FAM193B: variants seen among roughly 807,000 people sequenced by gnomAD.
FAM193B encodes the protein family with sequence similarity 193 member B, also known as protein FAM193B.
Under a neutral mutation model 70.7 loss-of-function variants are expected in FAM193B, and 27 were observed. The observed-to-expected ratio is 0.38, with a 90% confidence interval of 0.28 to 0.53. The LOEUF is 0.53. Ranked by LOEUF, FAM193B falls within the 20% of genes least tolerant of loss-of-function variation. FAM193B has a pLI of 0.81. For synonymous variants in FAM193B, 448 were observed against 436.0 expected (o/e 1.03, Z -0.34); for missense variants, 1,022 against 1,072.5 (o/e 0.95, Z 0.66).
rs757937496 is a variant in FAM193B at position 177,524,232 on chromosome 5, C to T, written c.2249G>A (p.Arg750His). ...CTGCTTGTTGCGGCTCCGGCGGCTG[C>T]GGCCCTTGCCCTGGGGCAAGCTCTG... ...RPQSLPQGKG[R>H]SRRSRNKQEK... Residue 750 changes from arginine to histidine, a missense_variant, in exon 6 of 9, where the codon CGC becomes CAC. Transcript: ENST00000514747. 7.8e-6 allele frequency: 12 copies of T among 1,546,894 alleles called. No homozygotes were observed. The highest frequency in any genetic ancestry group is 3.9e-5 in the Admixed American group (2 of 51,248).
intron 1 of FAM193B, chr5:177,547,282 A>ATTT (rs142591142): frequency 1.2e-4 from 3 of 24,674 alleles, no homozygotes; most frequent in Middle Eastern, 0.031. Context: ...AACCAAATTT[A>ATTT]TTTCTTTTTT....
In FAM193B at chr5:177,523,865, G is replaced by A. The variant is rs1307416671; in HGVS notation, c.2372+92C>T. The stretch of plus-strand genomic sequence containing the variant: ...CAAGGGGTCAGGGCCAAGGGAGCAG[G>A]CCTTTCTGAGGCTTGAGGCACAACA... On this transcript the variant is annotated intron_variant, in intron 7 of 8. Coordinates refer to ENST00000514747, the MANE Select transcript of FAM193B (RefSeq NM_001190946.3). 3.5e-6 allele frequency: 5 copies of A among 1,421,628 alleles called. No individual in the cohort carries two copies. The Admixed American group carries it at 5.2e-5, about 15-fold the overall frequency. 88.1% of individuals were successfully genotyped at this position (1,421,628 alleles called of 1,614,324 possible). A position where few individuals can be genotyped will look rare whatever the true frequency, so the allele number is the denominator to read the frequency against.
intron 1 of FAM193B, among the ~76,000 whole-genome samples, chr5:177,550,143 T>C (rs1371095747): frequency 6.6e-6 from 1 of 151,748 alleles, no homozygotes; most frequent in Admixed American, 6.6e-5. Flanking sequence ...AGCAAGATCC[T>C]ATCTCTAAAT....
At chr5:177,525,559 C>T (rs761191630) in intron 5 of FAM193B, 23 of 197,338 alleles carry the variant, frequency 1.2e-4, no homozygotes, top group African/African-American at 4.4e-4. Context: ...TCCACCCCTA[C>T]GGGTGGTGGG....
chr5:177,553,207 G>A (rs774772891), intron 1 of FAM193B: 594 of 985,796 alleles, frequency 6.0e-4, no homozygotes, highest in Non-Finnish European at 7.1e-4. Flanking sequence ...GCTGTCAAGA[G>A]CCATGCCTTC....
chr5:177,544,435 A>G (rs1765184885), intron 1 of FAM193B, among the ~76,000 whole-genome samples: 1 of 152,250 alleles, frequency 6.6e-6, no homozygotes, highest in South Asian at 2.1e-4. Context: ...TTTAACTGAA[A>G]GAATGACTTA....
chr5:177,523,042 C>CG (rs1762011009), intron 7 of FAM193B: 1 of 169,260 alleles, frequency 5.9e-6, no homozygotes, highest in African/African-American at 2.4e-5. Context: ...TTTTTTGAGA[C>CG]GGAGTCTCGT....
rs185699567 is a variant in FAM193B, at chr5:177,534,246, T to C, written c.1077-1605A>G. Among the ~76,000 whole-genome samples, 32 of 152,346 alleles carry C rather than the reference T, an allele frequency of 2.1e-4. 1 individual carries two copies. Among genetic ancestry groups the C allele is most frequent in the Admixed American group, 2.0e-3 (31 of 15,302 alleles). On this transcript the variant is annotated intron_variant, in intron 4 of 8. Transcript: ENST00000514747. ...CATTATCAGTGGTGCTTACAGAAGT[T>C]TGTTCTAAACCAACCATTCATTATC...
intron 1 of FAM193B, 49 bp downstream of exon 1, chr5:177,554,200 G>A: frequency 6.7e-7 from 1 of 1,484,470 alleles, no homozygotes; most frequent in Non-Finnish European, 8.9e-7. Flanking sequence ...CTCCCGCTCG[G>A]GGAAGGTGAA....
At position 177,532,379 on chromosome 5, in the gene FAM193B, G is replaced by A; in HGVS notation, c.1275+64C>T. On this transcript the variant is annotated intron_variant, in intron 5 of 8. Transcript: ENST00000514747. This position sits in a 1 kb window ranked among gnomAD's most constrained non-coding sequence, Gnocchi z 4.9. ...AGCAACGGGGTCTCTGGGGAGAGCA[G>A]GGTGCTCCTTTTGCTCACCTTGGCT... 6.5e-7 allele frequency: 1 copy of A among 1,548,738 alleles called. No homozygotes were observed. The highest frequency in any genetic ancestry group is 8.7e-7 in the Non-Finnish European group (1 of 1,149,668).
rs370501737 is a variant in FAM193B, at chr5:177,522,012, A to G, written c.2432T>C (p.Phe811Ser). 5 of 1,613,896 alleles carry G rather than the reference A, an allele frequency of 3.1e-6. No individual in the cohort carries two copies. The highest frequency in any genetic ancestry group is 4.2e-6 in the Non-Finnish European group (5 of 1,179,900). Residue 811 changes from phenylalanine to serine, a missense_variant, in exon 8 of 9, where the codon TTC (phenylalanine) becomes TCC (serine). Phe to Ser is a radical substitution (Grantham distance 155). Transcript: ENST00000514747. ...RQKVAVNWTN[F>S]SLKKTTPSTA... ...GCTAGGAGTGGTTTTCTTGAGGCTG[A>G]AGTTGGTCCAGTTCACAGCAACTTT...
intron 1 of FAM193B, among the ~76,000 whole-genome samples, chr5:177,544,097 C>CA (rs1364353127): frequency 1.3e-5 from 2 of 152,156 alleles, no homozygotes; most frequent in Non-Finnish European, 2.9e-5. Flanking sequence ...GGGATCTCCT[C>CA]AAAAAAGCTC....
chr5:177,553,436 C>A, intron 1 of FAM193B: 1 of 1,064,020 alleles, frequency 9.4e-7, no homozygotes, highest in Non-Finnish European at 1.1e-6. Flanking sequence ...AGTGCCACAA[C>A]CCTCCCAGAG....
intron 3 of FAM193B, 144 bp downstream of exon 3, chr5:177,537,729 T>A: frequency 8.2e-7 from 1 of 1,218,896 alleles, no homozygotes; most frequent in Non-Finnish European, 1.1e-6. Context: ...AGTCAAGGTC[T>A]AAGCTGCCCC....
In FAM193B at chr5:177,545,020, T is replaced by C. The variant is rs116181345; in HGVS notation, c.211-5873A>G. Among the ~76,000 whole-genome samples the C allele has an allele frequency of 3.5e-3, 537 of 152,240 alleles. 2 individuals carry two copies. Among genetic ancestry groups the C allele is most frequent in the African/African-American group, 0.013 (520 of 41,544 alleles). ...TCTATTAAGCCAGATGAAAAGAAAT[T>C]TGCAAAAATGAAAAGAAGACCATTC... On this transcript the variant is annotated intron_variant, in intron 1 of 8. Coordinates refer to ENST00000514747, the MANE Select transcript of FAM193B (RefSeq NM_001190946.3).
chr5:177,539,063 G>A lies in FAM193B; in HGVS notation c.295C>T (p.Gln99Ter). The change falls in exon 2 of 9, where the codon CAA (glutamine) becomes TAA (stop). Residue 99 changes from glutamine (Q) to a stop codon, truncating the protein, a stop_gained. Transcript: ENST00000514747. LOFTEE classifies it high-confidence loss of function. ...ERKGWEEGPS[Q>*]NGLVLQGEKL... ...TCACCCTGCAACACCAGTCCATTTT[G>A]AGAAGGGCCTTCTTCCCAGCCTTTG... The A allele has an allele frequency of 6.2e-7, 1 of 1,613,856 alleles. No homozygotes were observed. The highest frequency in any genetic ancestry group is 8.5e-7 in the Non-Finnish European group (1 of 1,179,824).
At chr5:177,542,584 T>A (rs929759873) in intron 1 of FAM193B, among the ~76,000 whole-genome samples, 1 of 152,230 alleles carries the variant, frequency 6.6e-6, no homozygotes, top group African/African-American at 2.4e-5. Context: ...ATTCCCTAAG[T>A]TCCCAAAATA....
Position 177,554,471 on chromosome 5 carries a change from G to T in FAM193B, c.-13C>A. ...GCCTCCGCGTCATGCCGCCGCTCGC[G>T]CCGCTCCCTCGCTCCACACGCCGCC... On this transcript the variant is annotated 5_prime_UTR_variant, in exon 1 of 9. Coordinates refer to ENST00000514747, the MANE Select transcript of FAM193B (RefSeq NM_001190946.3). The T allele has an allele frequency of 1.1e-6, 1 of 939,720 alleles. No individual in the cohort carries two copies. The highest frequency in any genetic ancestry group is 1.2e-6 in the Non-Finnish European group (1 of 819,648). The allele number at this position is 939,720 out of a possible 1,614,324, so 58.2% of individuals were successfully genotyped here.
intron 5 of FAM193B, chr5:177,525,528 CACT>C: frequency 4.0e-6 from 1 of 250,268 alleles, no homozygotes; most frequent in Non-Finnish European, 7.6e-6. Flanking sequence ...ATGTGAAGAC[CACT>C]ACTAGAGAGG....
Sources: allele counts gnomAD v4.1 joint callset (sites outside exome capture counted in the v4.1 genomes callset), GRCh38; gene constraint gnomAD v4.1.1; non-coding constraint Gnocchi (gnomAD v3.1); transcripts MANE v1.5; gene names NCBI Gene and HGNC (gene_info 2026-07-23, HGNC 2026-07-21).